GSE1: variants seen among roughly 807,000 people sequenced by gnomAD.
GSE1 encodes the protein genetic suppressor element 1.
Under a neutral mutation model 112.6 loss-of-function variants are expected in GSE1, and 32 were observed. The ratio of observed to expected loss-of-function variants is 0.28; its 90% CI spans 0.21 to 0.38. The LOEUF (loss-of-function observed/expected upper bound fraction) is 0.38. Ranked by LOEUF, GSE1 falls within the 10% of genes least tolerant of loss-of-function variation. The pLI is 1.00. For missense variants in GSE1, 2,348 were observed against 1,699.2 expected (o/e 1.38, Z -6.71); for synonymous variants, 1,115 against 735.6 (o/e 1.52, Z -8.35).
chr16:85,476,925 CT>C (rs55732128), intron 2 of GSE1, among the ~76,000 whole-genome samples: 123 of 117,766 alleles, frequency 1.0e-3, no homozygotes, highest in Middle Eastern at 4.8e-3. Flanking sequence ...GTATGTGGTT[CT>C]TTTTTTTTTT....
intron 2 of GSE1, among the ~76,000 whole-genome samples, chr16:85,416,241 A>G (rs1030295017): frequency 1.3e-5 from 2 of 152,224 alleles, no homozygotes; most frequent in African/African-American, 4.8e-5. Context: ...TATAAATTGC[A>G]TTATTAAATA....
intron 1 of GSE1, among the ~76,000 whole-genome samples, chr16:85,190,614 A>G (rs12445898): frequency 0.24 from 36,365 of 152,304 alleles, 4,833 homozygotes; most frequent in African/African-American, 0.37. Flanking sequence ...AGGAAGGGAA[A>G]GGGACTTGCC....
chr16:85,523,697 G>A lies in GSE1; in HGVS notation c.2465-110217G>A, dbSNP rs552899315. Among the ~76,000 whole-genome samples the A allele has an allele frequency of 9.8e-5, 15 of 152,362 alleles. No homozygotes were observed. The East Asian group carries it at 2.9e-3, about 29-fold the overall frequency. ...CCCCAAACCTTCCCTGGGTTCCAGT[G>A]TCACTGCAGGCGGCCTCCCCGAACA... On this transcript the variant is annotated intron_variant, in intron 2 of 2. Transcript: ENST00000637419.
chr16:85,399,156 T>C (rs1436195213), intron 2 of GSE1, among the ~76,000 whole-genome samples: 1 of 152,136 alleles, frequency 6.6e-6, no homozygotes, highest in East Asian at 1.9e-4. Flanking sequence ...TGTGTCTGTA[T>C]TGTGTGCATA....
At chr16:85,297,291 C>G (rs2151453250) in intron 1 of GSE1, among the ~76,000 whole-genome samples, 1 of 151,652 alleles carries the variant, frequency 6.6e-6, no homozygotes, top group East Asian at 1.9e-4. Context: ...AGAGGCCTCC[C>G]TCAGGCCCAC....
intron 1 of GSE1, among the ~76,000 whole-genome samples, chr16:85,331,422 T>TATATATGTATATATATGCGTATATAC (rs2046349572): frequency 1.1e-5 from 1 of 94,634 alleles, no homozygotes; most frequent in African/African-American, 3.2e-5. Context: ...TGCGTATATA[T>TATATATGTATATATATGCGTATATAC]GTATATATGT....
intron 9 of GSE1, 150 bp from the exon 10 acceptor site, chr16:85,662,831 C>A: frequency 1.6e-6 from 1 of 611,878 alleles, no homozygotes; most frequent in Admixed American, 2.7e-5. Context: ...TGTTGGTTTC[C>A]ACCTCGGTTG....
intron 2 of GSE1, among the ~76,000 whole-genome samples, chr16:85,512,989 G>T (rs552059566): frequency 1.3e-5 from 2 of 152,230 alleles, no homozygotes; most frequent in South Asian, 4.2e-4. Flanking sequence ...GCTGCCATGG[G>T]GAGCTCTGGA....
At chr16:85,336,248 G>A (rs2046481087) in intron 1 of GSE1, among the ~76,000 whole-genome samples, 1 of 152,206 alleles carries the variant, frequency 6.6e-6, no homozygotes, top group Non-Finnish European at 1.5e-5. Context: ...AGTGTTTGGG[G>A]ATTGGCTGAT....
chr16:85,633,019 C>CGCCGCT (rs1166677588), intron 1 of GSE1, among the ~76,000 whole-genome samples: 5 of 146,920 alleles, frequency 3.4e-5, no homozygotes, highest in East Asian at 1.9e-4. Context: ...CTGGTGCCGC[C>CGCCGCT]GCCGCCGCCG....
chr16:85,434,327 A>ATCATCATC (rs2049191056), intron 2 of GSE1, among the ~76,000 whole-genome samples: 1 of 139,106 alleles, frequency 7.2e-6, no homozygotes, highest in Non-Finnish European at 1.6e-5. Flanking sequence ...TAATAATAAT[A>ATCATCATC]ATAATAATAA....
upstream of GSE1, among the ~76,000 whole-genome samples, chr16:85,609,267 C>T (rs1179706230): frequency 6.6e-6 from 1 of 152,224 alleles, no homozygotes; most frequent in Non-Finnish European, 1.5e-5. Flanking sequence ...AAGACAAGGT[C>T]TTGCTCTGTG....
At chr16:85,251,684 C>T (rs796862414) in intron 1 of GSE1, among the ~76,000 whole-genome samples, 12 of 152,360 alleles carry the variant, frequency 7.9e-5, no homozygotes, top group African/African-American at 2.9e-4. Context: ...CTCTTTCACA[C>T]GCAGGCCTCT....
intron 13 of GSE1, 117 bp downstream of exon 13, chr16:85,666,464 A>T (rs973908970): frequency 2.2e-6 from 2 of 898,160 alleles, no homozygotes; most frequent in African/African-American, 3.3e-5. Flanking sequence ...ATAAACTCCA[A>T]TCACCAGAAG....
At chr16:85,418,460 A>G (rs2048752965) in intron 2 of GSE1, among the ~76,000 whole-genome samples, 1 of 152,170 alleles carries the variant, frequency 6.6e-6, no homozygotes, top group Non-Finnish European at 1.5e-5. Context: ...CTGCCCATCC[A>G]GATCAGCCCT....
chr16:85,304,601 C>CTGG (rs1555557422), intron 1 of GSE1, among the ~76,000 whole-genome samples: 4 of 78,180 alleles, frequency 5.1e-5, no homozygotes, highest in Non-Finnish European at 9.9e-5. Context: ...AAGCCGGGGG[C>CTGG]GGGGGGGTGG....
At position 85,294,520 on chromosome 16, in the gene GSE1, T is replaced by C. The variant is rs140833600; in HGVS notation, c.2284-62943T>C. On this transcript the variant is annotated intron_variant, in intron 1 of 2. Coordinates refer to the GSE1 transcript ENST00000637419. ...CCCAGGCTGTTCTTTTGCCTCATGT[T>C]GGTGCCTGACAGTTTCTCAACAGTG... Among the ~76,000 whole-genome samples, 1,116 of 152,148 alleles carry C rather than the reference T, an allele frequency of 7.3e-3. 18 individuals are homozygous for C. Among genetic ancestry groups the C allele is most frequent in the African/African-American group, 0.026 (1,070 of 41,494 alleles).
chr16:85,661,302 G>C lies in GSE1; in HGVS notation c.1797G>C (p.Arg599=), dbSNP rs1228736718. The change falls in exon 9 of 16, where the codon CGG becomes CGC. Residue 599 remains arginine, a synonymous_variant. Coordinates refer to ENST00000253458, the MANE Select transcript of GSE1 (RefSeq NM_014615.5). ...SLMDNTLETR[R]AESHSLHSHP... Reference sequence around the variant, plus strand: ...TGGACAACACCTTGGAGACGCGGCGGGCCGAAAGCCACTCTCTGCACAGCC... The same window carrying C: ...TGGACAACACCTTGGAGACGCGGCGCGCCGAAAGCCACTCTCTGCACAGCC... 6.2e-7 allele frequency: 1 copy of C among 1,612,820 alleles called. No homozygotes were observed. The highest frequency in any genetic ancestry group is 1.7e-5 in the Admixed American group (1 of 60,022).
chr16:85,606,514 A>T (rs2047709618), upstream of GSE1, among the ~76,000 whole-genome samples: 1 of 152,222 alleles, frequency 6.6e-6, no homozygotes, highest in African/African-American at 2.4e-5. Context: ...GGCTCCTGGC[A>T]GAACGTCTCC....
Sources: gnomAD v4.1 joint callset for allele counts (sites outside exome capture counted in the v4.1 genomes callset) on GRCh38, gnomAD v4.1.1 for gene constraint, MANE v1.5 for transcripts, NCBI Gene and HGNC (gene_info 2026-07-23, HGNC 2026-07-21) for gene names.